The following AUH variants were observed in gnomAD, a reference collection of about 807,000 sequenced individuals.
The protein encoded by AUH is methylglutaconyl-CoA hydratase, mitochondrial.
A neutral mutation model predicts 42.3 loss-of-function variants in AUH; 29 were observed. The ratio of observed to expected loss-of-function variants is 0.69; its 90% CI spans 0.51 to 0.93. The LOEUF is 0.93. AUH is among the 40% of genes least tolerant of loss of function. The pLI, the probability that AUH is intolerant of heterozygous loss-of-function variation, is 0.00. For missense variants in AUH, 452 were observed against 438.1 expected (o/e 1.03, Z -0.28); for synonymous variants, 174 against 166.4 (o/e 1.05, Z -0.35).
chr9:91,327,924 G>A (rs892653045), intron 3 of AUH, among the ~76,000 whole-genome samples: 2 of 152,282 alleles, frequency 1.3e-5, no homozygotes, highest in East Asian at 1.9e-4. Context: ...AGTCATTCAT[G>A]GCATGCCCAG....
chr9:91,296,856 A>C (rs1446277015), intron 5 of AUH, among the ~76,000 whole-genome samples: 1 of 152,246 alleles, frequency 6.6e-6, no homozygotes, highest in Non-Finnish European at 1.5e-5. Context: ...TGTTCTAAAA[A>C]TTTAAAAAAT....
intron 6 of AUH, among the ~76,000 whole-genome samples, chr9:91,248,350 C>T (rs192898219): frequency 2.6e-5 from 4 of 152,178 alleles, no homozygotes; most frequent in Admixed American, 2.6e-4. Flanking sequence ...AAGGAGTCTA[C>T]CAAAAACATC....
At chr9:91,317,329 C>T (rs1022141) in intron 4 of AUH, among the ~76,000 whole-genome samples, 10,920 of 152,172 alleles carry the variant, frequency 0.072, 683 homozygotes, top group East Asian at 0.26. Context: ...TCTTCCTATT[C>T]AAGAGGATAA....
At chr9:91,230,859 G>A (rs1374111447) in intron 6 of AUH, among the ~76,000 whole-genome samples, 2 of 152,218 alleles carry the variant, frequency 1.3e-5, no homozygotes, top group Non-Finnish European at 2.9e-5. Flanking sequence ...TCCCAGTTAG[G>A]CTGCTCGGGG....
intron 4 of AUH, among the ~76,000 whole-genome samples, chr9:91,323,417 G>A (rs1166277305): frequency 2.0e-5 from 3 of 152,154 alleles, no homozygotes. Flanking sequence ...GAGGTCAAGA[G>A]ATCAAGACCA....
chr9:91,338,965 A>G (rs569208931), intron 3 of AUH, among the ~76,000 whole-genome samples: 1 of 152,306 alleles, frequency 6.6e-6, no homozygotes, highest in South Asian at 2.1e-4. Context: ...AACCATATTA[A>G]TATTTCATAT....
chr9:91,299,986 A>G (rs984399326), intron 4 of AUH, among the ~76,000 whole-genome samples: 2 of 152,110 alleles, frequency 1.3e-5, no homozygotes, highest in East Asian at 1.9e-4. Flanking sequence ...TTCACCTCCA[A>G]ACAAGCAAGA....
intron 4 of AUH, among the ~76,000 whole-genome samples, chr9:91,314,900 G>A (rs77731674): frequency 0.028 from 4,277 of 152,282 alleles, 95 homozygotes; most frequent in Non-Finnish European, 0.044. Flanking sequence ...CTACAGAGGA[G>A]GCGCAATGAG....
At chr9:91,267,315 T>C (rs1830027801) in intron 6 of AUH, among the ~76,000 whole-genome samples, 2 of 152,316 alleles carry the variant, frequency 1.3e-5, no homozygotes, top group Admixed American at 6.5e-5. Context: ...CCCAAGTACC[T>C]TGCCATAATT....
chr9:91,237,661 G>T (rs1010270236), intron 6 of AUH, among the ~76,000 whole-genome samples: 1 of 151,706 alleles, frequency 6.6e-6, no homozygotes, highest in South Asian at 2.1e-4. Context: ...AATCTTTATT[G>T]ATGCTCAAAC....
chr9:91,345,267 A>G (rs1022560964), intron 3 of AUH, among the ~76,000 whole-genome samples: 4 of 152,200 alleles, frequency 2.6e-5, no homozygotes, highest in Non-Finnish European at 4.4e-5. Context: ...CTTTATTCAC[A>G]AATGACTTGA....
intron 6 of AUH, among the ~76,000 whole-genome samples, chr9:91,270,495 T>G (rs1050814280): frequency 5.3e-5 from 8 of 152,178 alleles, no homozygotes; most frequent in African/African-American, 1.7e-4. Context: ...CTGTAGATTC[T>G]CAATAAGCCA....
At chr9:91,360,910 C>T (rs1832796638) in intron 1 of AUH, among the ~76,000 whole-genome samples, 2 of 152,124 alleles carry the variant, frequency 1.3e-5, no homozygotes, top group African/African-American at 4.8e-5. Flanking sequence ...TTAGCTTTTC[C>T]CTGCACTGCC....
intron 6 of AUH, among the ~76,000 whole-genome samples, chr9:91,283,666 T>C (rs968182320): frequency 7.9e-5 from 12 of 152,098 alleles, no homozygotes; most frequent in African/African-American, 1.2e-4. Flanking sequence ...TATACACCAA[T>C]AACAGACAAA....
Position 91,244,851 on chromosome 9 carries a change from G to A in AUH, c.656-23859C>T, listed in dbSNP as rs114197165. Among the ~76,000 whole-genome samples the A allele has an allele frequency of 3.0e-3, 454 of 152,270 alleles. 5 individuals carry two copies. Among genetic ancestry groups the A allele is most frequent in the African/African-American group, 0.01 (436 of 41,552 alleles). ...TTATGGCAACAATGGATTTACCAAG[G>A]TGCACCTCTGAAAAATTATTTGAGA... On this transcript the variant is annotated intron_variant, in intron 6 of 9. Coordinates refer to ENST00000375731, the MANE Select transcript of AUH (RefSeq NM_001698.3).
Position 91,351,182 on chromosome 9 carries a change from G to C in AUH, c.418+4701C>G, listed in dbSNP as rs149885042. Among the ~76,000 whole-genome samples the C allele has an allele frequency of 3.0e-3, 462 of 152,154 alleles. 5 individuals carry two copies. The highest frequency in any genetic ancestry group is 0.01 in the African/African-American group (427 of 41,494). ...GACAGGGTTTTGCCATGTTGCCCAG[G>C]CTGGTCTTGAACTCCTAGGCTCAAG... is the stretch of plus-strand genomic sequence containing the variant. On this transcript the variant is annotated intron_variant, in intron 3 of 9. Transcript: ENST00000375731.
At chr9:91,236,813 C>T (rs183643774) in intron 6 of AUH, among the ~76,000 whole-genome samples, 100 of 152,184 alleles carry the variant, frequency 6.6e-4, no homozygotes, top group African/African-American at 2.4e-3. Flanking sequence ...TTTTAAAAGC[C>T]ACTGAAAAGC....
Position 91,355,932 on chromosome 9 carries a change from T to C in AUH, c.369A>G (p.Lys123=), listed in dbSNP as rs1032621485. 5.6e-6 allele frequency: 9 copies of C among 1,613,712 alleles called. No individual in the cohort carries two copies. Among genetic ancestry groups the C allele is most frequent in the Admixed American group, 3.3e-5 (2 of 60,024 alleles). The change falls in exon 3 of 10, where the codon AAA becomes AAG. Residue 123 remains lysine, a synonymous_variant. Coordinates refer to ENST00000375731, the MANE Select transcript of AUH (RefSeq NM_001698.3). ...KAVDALKSDK[K]VRTIIIRSEV... is the part of the protein sequence containing the mutation. ...CACTCCTGATTATTATGGTCCGTAC[T>C]TTCTTATCAGATTTCAAAGCATCCA...
intron 6 of AUH, among the ~76,000 whole-genome samples, chr9:91,274,986 G>A (rs1825430200): frequency 6.6e-6 from 1 of 152,178 alleles, no homozygotes; most frequent in Admixed American, 6.5e-5. Flanking sequence ...ATTAGGCAAG[G>A]AAGGGGCTGG....
Sources: gnomAD v4.1 joint callset for allele counts (sites outside exome capture counted in the v4.1 genomes callset) on GRCh38, gnomAD v4.1.1 for gene constraint, MANE v1.5 for transcripts, NCBI Gene and HGNC (gene_info 2026-07-23, HGNC 2026-07-21) for gene names.